Variants in PATJ observed in about 807,000 individuals in gnomAD.
PATJ encodes PATJ crumbs cell polarity complex component, also known as inaD-like protein.
Under a neutral mutation model 224.9 loss-of-function variants are expected in PATJ, and 190 were observed. The observed-to-expected ratio is 0.84, with a 90% CI of 0.75 to 0.95. The LOEUF (loss-of-function observed/expected upper bound fraction) is 0.95. PATJ is among the 40% of genes least tolerant of loss of function. The pLI, the probability that PATJ is intolerant of heterozygous loss-of-function variation, is 0.00. For synonymous variants in PATJ, 769 were observed against 820.3 expected (o/e 0.94, Z 1.07); for missense variants, 2,121 against 2,270.3 (o/e 0.93, Z 1.34).
At chr1:62,046,089 C>G (rs1287958811) in intron 30 of PATJ, among the ~76,000 whole-genome samples, 58 of 152,058 alleles carry the variant, frequency 3.8e-4, no homozygotes, top group Admixed American at 3.8e-3. Flanking sequence ...GTAGTCCCAG[C>G]TACTTGGGAG....
rs749692594 is a variant in PATJ, at chr1:62,123,060, T to C, written c.5043+2T>C. 1.9e-5 allele frequency: 30 copies of C among 1,592,510 alleles called. No individual in the cohort carries two copies. The South Asian group carries it at 2.2e-4, about 11-fold the overall frequency. ...CCAAGGACTGTTGAGATAAACAGGGTAAGTCAGTCATTTTGCTGTATGTAT... is the reference window on the plus strand; with the variant it reads ...CCAAGGACTGTTGAGATAAACAGGGCAAGTCAGTCATTTTGCTGTATGTAT... On this transcript the variant is annotated splice_donor_variant, in intron 39 of 43. Transcript: ENST00000642238. LOFTEE classifies it high-confidence loss of function.
chr1:61,793,282 A>G (rs1202743371), intron 9 of PATJ, among the ~76,000 whole-genome samples: 1 of 152,220 alleles, frequency 6.6e-6, no homozygotes, highest in Non-Finnish European at 1.5e-5. Context: ...GGTATGGCAG[A>G]TGACATATTC....
In PATJ at chr1:62,154,319, A is replaced by G. The variant is rs557921564; in HGVS notation, c.5502+838A>G. 3.9e-5 allele frequency among the ~76,000 whole-genome samples: 6 copies of G among 151,998 alleles called. No individual in the cohort carries two copies. The South Asian group carries it at 8.3e-4, about 21-fold the overall frequency. On this transcript the variant is annotated intron_variant, in intron 43 of 43. Coordinates refer to ENST00000642238, the MANE Select transcript of PATJ (RefSeq NM_001350145.3). ...TTTTTTTTTCTTCTTTGGTTTTATC[A>G]TAGTCATTTGTTTATGAACAGATCT...
At chr1:61,894,400 T>G (rs1414504118) in intron 22 of PATJ, among the ~76,000 whole-genome samples, 2 of 152,144 alleles carry the variant, frequency 1.3e-5, no homozygotes, top group Non-Finnish European at 2.9e-5. Flanking sequence ...AAATCTCATC[T>G]CAAATTGTAA....
intron 31 of PATJ, among the ~76,000 whole-genome samples, chr1:62,053,587 C>T (rs1570351342): frequency 1.3e-5 from 2 of 152,068 alleles, no homozygotes; most frequent in South Asian, 4.2e-4. Context: ...GGCATGATGG[C>T]GCATGCCTGT....
chr1:62,094,558 AACACACACAC>A (rs58104906), intron 33 of PATJ, among the ~76,000 whole-genome samples: 1,504 of 132,514 alleles, frequency 0.011, 10 homozygotes, highest in Non-Finnish European at 0.015. Context: ...ATTCTGTCTC[AACACACACAC>A]ACACACACAC....
chr1:62,090,688 C>G (rs1027580165), intron 33 of PATJ, among the ~76,000 whole-genome samples: 20 of 152,140 alleles, frequency 1.3e-4, no homozygotes, highest in African/African-American at 4.6e-4. Flanking sequence ...TTCTATCTCC[C>G]TCCACCCCTC....
At chr1:61,792,081 A>C (rs529884104) in intron 9 of PATJ, among the ~76,000 whole-genome samples, 2 of 152,270 alleles carry the variant, frequency 1.3e-5, no homozygotes, top group Admixed American at 1.3e-4. Context: ...AGAGTTATAA[A>C]ATGTTCAATT....
chr1:62,049,280 C>CAG (rs896443190), intron 30 of PATJ, among the ~76,000 whole-genome samples: 2 of 144,182 alleles, frequency 1.4e-5, no homozygotes, highest in African/African-American at 5.5e-5. Flanking sequence ...CACACACACA[C>CAG]AGAGTATTTT....
chr1:61,756,996 T>G (rs137873788), intron 1 of PATJ, among the ~76,000 whole-genome samples: 23 of 152,254 alleles, frequency 1.5e-4, no homozygotes, highest in African/African-American at 4.6e-4. Flanking sequence ...TCTGCTCTGC[T>G]ATTGTGTGTA....
chr1:61,817,520 T>C (rs1386271158), intron 14 of PATJ, among the ~76,000 whole-genome samples: 1 of 152,016 alleles, frequency 6.6e-6, no homozygotes, highest in Non-Finnish European at 1.5e-5. Context: ...AAAAATTAGC[T>C]GGGCATGGTG....
intron 8 of PATJ, 66 bp from the exon 9 acceptor site, chr1:61,791,282 A>G: frequency 1.1e-6 from 1 of 920,752 alleles, no homozygotes; most frequent in Non-Finnish European, 1.7e-6. Flanking sequence ...AACCTTGCAC[A>G]GATTGACTAT....
chr1:61,874,256 C>A (rs971332403), intron 20 of PATJ, among the ~76,000 whole-genome samples: 3 of 151,498 alleles, frequency 2.0e-5, no homozygotes, highest in African/African-American at 7.3e-5. Flanking sequence ...GGCTAGAGTG[C>A]AATGGCCTGT....
At chr1:62,087,648 C>T (rs1361296580) in intron 33 of PATJ, among the ~76,000 whole-genome samples, 1 of 151,652 alleles carries the variant, frequency 6.6e-6, no homozygotes, top group African/African-American at 2.4e-5. Flanking sequence ...TACCATTGGG[C>T]CCCGTCTAGA....
intron 27 of PATJ, among the ~76,000 whole-genome samples, chr1:61,978,079 T>C (rs1323595161): frequency 1.3e-5 from 2 of 151,860 alleles, no homozygotes; most frequent in East Asian, 3.9e-4. Context: ...TGACTATTTC[T>C]TCTCTCTTCT....
chr1:62,115,328 T>A (rs1219705434), intron 35 of PATJ, among the ~76,000 whole-genome samples: 1 of 151,506 alleles, frequency 6.6e-6, no homozygotes, highest in Non-Finnish European at 1.5e-5. Context: ...AATAAATAAA[T>A]AAAAAGAGGT....
intron 30 of PATJ, among the ~76,000 whole-genome samples, chr1:62,050,140 T>A (rs1292518064): frequency 1.4e-5 from 2 of 140,552 alleles, no homozygotes; most frequent in African/African-American, 5.4e-5. Flanking sequence ...AAAAAAAAAT[T>A]CATTTATTAA....
Position 61,805,500 on chromosome 1 carries a change from G to T in PATJ, c.1602G>T (p.Leu534=). 1 of 1,602,368 alleles carries T rather than the reference G, an allele frequency of 6.2e-7. No individual in the cohort carries two copies. Among genetic ancestry groups the T allele is most frequent in the Non-Finnish European group, 8.6e-7 (1 of 1,169,498 alleles). ...AGCTGAAATCCAGATGGGAAAACCTGTTGGGTCCTGATTATGAAGTAATGG... is the reference window on the plus strand; with the variant it reads ...AGCTGAAATCCAGATGGGAAAACCTTTTGGGTCCTGATTATGAAGTAATGG... ...ENELKSRWEN[L]LGPDYEVMVA... is the part of the protein sequence containing the mutation. The change falls in exon 13 of 44, where the codon CTG becomes CTT. Residue 534 remains leucine (L), a synonymous_variant. Transcript: ENST00000642238.
At chr1:61,911,104 A>G (rs1356983083) in intron 25 of PATJ, among the ~76,000 whole-genome samples, 1 of 152,220 alleles carries the variant, frequency 6.6e-6, no homozygotes, top group Non-Finnish European at 1.5e-5. Flanking sequence ...GGTCACATAA[A>G]CATTCTCCTC....
Sources: allele counts gnomAD v4.1 joint callset (sites outside exome capture counted in the v4.1 genomes callset), GRCh38; gene constraint gnomAD v4.1.1; transcripts MANE v1.5; gene names NCBI Gene and HGNC (gene_info 2026-07-23, HGNC 2026-07-21).